ADGRB3: variants seen among roughly 807,000 people sequenced by gnomAD.
ADGRB3 encodes adhesion G protein-coupled receptor B3.
In ADGRB3, 37 loss-of-function variants were observed where a neutral mutation model predicts 193.4. That is an observed-to-expected ratio of 0.19 (90% CI 0.15 to 0.25). ADGRB3 has a LOEUF of 0.25. ADGRB3 is among the 10% of genes least tolerant of loss of function. The pLI is 1.00. For missense variants in ADGRB3, 1,637 were observed against 1,852.9 expected (o/e 0.88, Z 2.14); for synonymous variants, 690 against 644.2 (o/e 1.07, Z -1.08).
intron 25 of ADGRB3, 91 bp from the exon 26 acceptor site, chr6:69,339,242 C>T: frequency 1.4e-6 from 2 of 1,457,914 alleles, no homozygotes; most frequent in Middle Eastern, 3.7e-4. Flanking sequence ...GTCTTGGAAC[C>T]ACATACAAAA....
intron 17 of ADGRB3, among the ~76,000 whole-genome samples, chr6:69,133,262 A>G (rs1774063677): frequency 6.6e-6 from 1 of 152,076 alleles, no homozygotes; most frequent in African/African-American, 2.4e-5. Flanking sequence ...ATGAGCATGG[A>G]ATGTTTTTCC....
chr6:69,001,419 A>G (rs1477422974), intron 11 of ADGRB3, among the ~76,000 whole-genome samples: 3 of 152,228 alleles, frequency 2.0e-5, no homozygotes, highest in African/African-American at 7.2e-5. Context: ...TTGATTCTCT[A>G]TAAACAGATT....
intron 17 of ADGRB3, among the ~76,000 whole-genome samples, chr6:69,160,282 T>C (rs1377900487): frequency 6.6e-6 from 1 of 152,018 alleles, no homozygotes; most frequent in Non-Finnish European, 1.5e-5. Flanking sequence ...GATTACAAGG[T>C]CCTTCTTGAT....
chr6:68,760,283 A>G (rs1479543976), intron 3 of ADGRB3, among the ~76,000 whole-genome samples: 1 of 152,216 alleles, frequency 6.6e-6, no homozygotes, highest in African/African-American at 2.4e-5. Flanking sequence ...ACACAACTCA[A>G]GGACATTTCT....
intron 10 of ADGRB3, among the ~76,000 whole-genome samples, chr6:68,980,156 T>C (rs1246243948): frequency 6.6e-6 from 1 of 151,570 alleles, no homozygotes; most frequent in African/African-American, 2.4e-5. Flanking sequence ...TTTAGGTTAT[T>C]GTTCCTTAAA....
intron 3 of ADGRB3, among the ~76,000 whole-genome samples, chr6:68,686,905 G>C (rs969989227): frequency 6.6e-6 from 1 of 151,986 alleles, no homozygotes; most frequent in Non-Finnish European, 1.5e-5. Flanking sequence ...AAAGATTCTA[G>C]TTCTCAAGAA....
chr6:69,012,530 A>C (rs371143623), intron 11 of ADGRB3, among the ~76,000 whole-genome samples: 6 of 152,076 alleles, frequency 3.9e-5, no homozygotes, highest in African/African-American at 1.2e-4. Flanking sequence ...TTAACACTTC[A>C]AGCAGGAAAT....
rs1047992796 is a variant in ADGRB3, at chr6:69,245,100, T to C, written c.2814+5874T>C. On this transcript the variant is annotated intron_variant, in intron 20 of 31. Coordinates refer to ENST00000370598, the MANE Select transcript of ADGRB3 (RefSeq NM_001704.3). Reference sequence around the variant, plus strand: ...ACATAAGCTAGAACTCTGGAAGTTATCCTTGATGTCTCCTTCTCGCTCATG... The same window carrying C: ...ACATAAGCTAGAACTCTGGAAGTTACCCTTGATGTCTCCTTCTCGCTCATG... Among the ~76,000 whole-genome samples the C allele has an allele frequency of 1.8e-4, 28 of 152,094 alleles. 1 individual carries two copies. Among genetic ancestry groups the C allele is most frequent in the Admixed American group, 1.8e-3 (27 of 15,244 alleles).
chr6:69,014,883 C>T (rs1770044906), intron 12 of ADGRB3, among the ~76,000 whole-genome samples: 1 of 151,656 alleles, frequency 6.6e-6, no homozygotes, highest in Admixed American at 6.6e-5. Flanking sequence ...TTCGGGTTTT[C>T]CCTTTATAAT....
At chr6:69,339,181 A>C in intron 25 of ADGRB3, 152 bp from the exon 26 acceptor site, 1 of 1,135,252 alleles carries the variant, frequency 8.8e-7, no homozygotes, top group South Asian at 1.6e-5. Flanking sequence ...GTATATAAAA[A>C]AAAAAATAAG....
rs568349655 is a variant in ADGRB3, at chr6:69,075,154, A to G, written c.2437-841A>G. Among the ~76,000 whole-genome samples the G allele has an allele frequency of 3.9e-5, 6 of 152,328 alleles. No homozygotes were observed. In the South Asian group the frequency reaches 1.2e-3, roughly 32 times the overall value. ...CTGCTTTGCTGTGCACAAGTCAGACACAAGTGAATGATTTCCCTAAATACA... is the reference window on the plus strand; with the variant it reads ...CTGCTTTGCTGTGCACAAGTCAGACGCAAGTGAATGATTTCCCTAAATACA... On this transcript the variant is annotated intron_variant, in intron 16 of 31. Transcript: ENST00000370598.
intron 5 of ADGRB3, among the ~76,000 whole-genome samples, chr6:68,942,703 C>G (rs1201669922): frequency 6.6e-6 from 1 of 152,058 alleles, no homozygotes; most frequent in Non-Finnish European, 1.5e-5. Flanking sequence ...CCCCACCTTC[C>G]AGATTCAAGG....
At chr6:69,098,593 C>T (rs1772949826) in intron 17 of ADGRB3, among the ~76,000 whole-genome samples, 1 of 152,156 alleles carries the variant, frequency 6.6e-6, no homozygotes, top group South Asian at 2.1e-4. Flanking sequence ...CATCCGATCT[C>T]ATGAGAACTC....
At chr6:69,219,152 A>G (rs1309524171) in intron 17 of ADGRB3, among the ~76,000 whole-genome samples, 1 of 151,938 alleles carries the variant, frequency 6.6e-6, no homozygotes, top group East Asian at 1.9e-4. Context: ...TTCTGTTAGT[A>G]AAGTAAATTT....
At chr6:68,861,260 A>G (rs111718382) in intron 3 of ADGRB3, among the ~76,000 whole-genome samples, 343 of 152,164 alleles carry the variant, frequency 2.3e-3, no homozygotes, top group African/African-American at 7.9e-3. Context: ...ACCCAACTTC[A>G]CTATTTACCA....
chr6:69,232,991 C>CGCCGCT (rs1766180038), intron 17 of ADGRB3: 3 of 431,418 alleles, frequency 7.0e-6, no homozygotes, highest in South Asian at 3.4e-5. Flanking sequence ...CTCGTGCTGC[C>CGCCGCT]GCCGCTGCCG....
intron 3 of ADGRB3, among the ~76,000 whole-genome samples, chr6:68,828,056 G>T (rs1380050252): frequency 6.6e-6 from 1 of 152,100 alleles, no homozygotes; most frequent in Admixed American, 6.5e-5. Context: ...TGCACAAAAC[G>T]CACATAGTAT....
chr6:69,363,806 C>T (rs144224828), intron 29 of ADGRB3, among the ~76,000 whole-genome samples: 10 of 152,082 alleles, frequency 6.6e-5, no homozygotes, highest in African/African-American at 2.4e-4. Flanking sequence ...TCTCGGGCAG[C>T]ATGATGCATT....
intron 3 of ADGRB3, among the ~76,000 whole-genome samples, chr6:68,766,353 G>A (rs6924533): frequency 0.71 from 108,023 of 151,640 alleles, 38,834 homozygotes; most frequent in Middle Eastern, 0.89. Flanking sequence ...TCCTTCATAC[G>A]TAGTATGAAC....
Sources: gnomAD v4.1 joint callset for allele counts (sites outside exome capture counted in the v4.1 genomes callset) on GRCh38, gnomAD v4.1.1 for gene constraint, MANE v1.5 for transcripts, NCBI Gene and HGNC (gene_info 2026-07-23, HGNC 2026-07-21) for gene names.